TGFBR1: variants seen among roughly 807,000 people sequenced by gnomAD.
TGFBR1 encodes TGF-beta receptor type-1.
Under a neutral mutation model 55.1 loss-of-function variants are expected in TGFBR1, and 20 were observed. That is an observed-to-expected ratio of 0.36 (90% CI 0.26 to 0.53). The LOEUF (loss-of-function observed/expected upper bound fraction) is 0.53. Ranked by LOEUF, TGFBR1 falls within the 20% of genes least tolerant of loss-of-function variation. The pLI is 0.91. For missense variants in TGFBR1, 385 were observed against 617.6 expected, an observed-to-expected ratio of 0.62 and a Z score of 3.99; for synonymous variants, 220 against 214.8, an observed-to-expected ratio of 1.02 and a Z score of -0.21.
intron 6 of TGFBR1, among the ~76,000 whole-genome samples, chr9:99,145,499 G>A (rs753655553): frequency 4.6e-5 from 7 of 152,186 alleles, no homozygotes; most frequent in Non-Finnish European, 7.3e-5. Context: ...TCTATTAGGT[G>A]CAAGCTGCTT....
chr9:99,114,212 C>G (rs1826664392), intron 1 of TGFBR1, among the ~76,000 whole-genome samples: 1 of 152,078 alleles, frequency 6.6e-6, no homozygotes, highest in South Asian at 2.1e-4. Flanking sequence ...AAGACCAAAT[C>G]TACTGACCAC....
rs121918713 is a variant in TGFBR1 at position 99,132,686 on chromosome 9, G to T, written c.521G>T (p.Gly174Val). The T allele has an allele frequency of 1.9e-6, 3 of 1,614,096 alleles. No homozygotes were observed. In the Admixed American group the frequency reaches 5.0e-5, roughly 27 times the overall value. ...TTAGATCGCCCTTTTATTTCAGAGGGTACTACGTTGAAAGACTTAATTTAT... is the reference window on the plus strand; with the variant it reads ...TTAGATCGCCCTTTTATTTCAGAGGTTACTACGTTGAAAGACTTAATTTAT... ...PSLDRPFISEGTTLKDLIYDM... is the reference protein window; with the variant it reads ...PSLDRPFISEVTTLKDLIYDM... The change falls in exon 3 of 9, where the codon GGT becomes GTT. Residue 174 changes from glycine (G) to valine (V), a missense_variant. Gly to Val is a moderately radical substitution (Grantham distance 109). This residue lies in a region of TGFBR1 where 146 missense variants were observed against 167.7 expected (regional missense o/e 0.87). Coordinates refer to ENST00000374994, the MANE Select transcript of TGFBR1 (RefSeq NM_004612.4).
intron 3 of TGFBR1, among the ~76,000 whole-genome samples, chr9:99,134,802 T>TTTTATATATATATATATATATATATA (rs1554700023): frequency 2.4e-5 from 1 of 41,384 alleles, no homozygotes; most frequent in Non-Finnish European, 4.2e-5. Flanking sequence ...TCTGTTTCCA[T>TTTTATATATATATATATATATATATA]TATATATATA....
chr9:99,128,177 G>T (rs1448746230), intron 1 of TGFBR1, among the ~76,000 whole-genome samples: 2 of 152,182 alleles, frequency 1.3e-5, no homozygotes, highest in Non-Finnish European at 2.9e-5. Context: ...CTAGTATTTT[G>T]CTGCCAGTCA....
intron 3 of TGFBR1, among the ~76,000 whole-genome samples, chr9:99,136,054 C>T (rs542674298): frequency 6.6e-6 from 1 of 152,120 alleles, no homozygotes; most frequent in Admixed American, 6.5e-5. Flanking sequence ...CAGGTTTCAC[C>T]ATGTTGGCCA....
intron 1 of TGFBR1, among the ~76,000 whole-genome samples, chr9:99,110,342 T>C (rs1293508753): frequency 6.6e-6 from 1 of 152,204 alleles, no homozygotes; most frequent in Admixed American, 6.5e-5. Flanking sequence ...CGTTTAATTC[T>C]CTCTTCTCTC....
intron 4 of TGFBR1, among the ~76,000 whole-genome samples, chr9:99,141,634 T>TA (rs1827618732): frequency 6.6e-6 from 1 of 152,252 alleles, no homozygotes. Flanking sequence ...AGAATGACTC[T>TA]AAGCGTCCAT....
chr9:99,126,511 G>A (rs1166066487), intron 1 of TGFBR1, among the ~76,000 whole-genome samples: 1 of 152,172 alleles, frequency 6.6e-6, no homozygotes, highest in African/African-American at 2.4e-5. Flanking sequence ...TGGGTTGAAT[G>A]ACTAATCATG....
chr9:99,120,410 G>T (rs1205092916), intron 1 of TGFBR1, among the ~76,000 whole-genome samples: 1 of 152,084 alleles, frequency 6.6e-6, no homozygotes, highest in Non-Finnish European at 1.5e-5. Context: ...TCAGGGCCTG[G>T]GGTAAGGCAA....
At chr9:99,128,113 G>A (rs1035932355) in intron 1 of TGFBR1, 1 of 423,794 alleles carries the variant, frequency 2.4e-6, no homozygotes, top group African/African-American at 2.0e-5. Flanking sequence ...TCCCTAAAGA[G>A]GTCACTCCTG....
intron 8 of TGFBR1, among the ~76,000 whole-genome samples, chr9:99,148,331 G>T (rs334358): frequency 0.17 from 26,069 of 152,142 alleles, 2,372 homozygotes; most frequent in Non-Finnish European, 0.2. Context: ...TATCTGAGCT[G>T]CTCAACTTCA....
At chr9:99,118,173 GT>G (rs1826802671) in intron 1 of TGFBR1, among the ~76,000 whole-genome samples, 1 of 152,082 alleles carries the variant, frequency 6.6e-6, no homozygotes. Flanking sequence ...GGTATAGTGA[GT>G]AACCTTATAT....
chr9:99,148,079 A>AAC (rs1376426553), intron 8 of TGFBR1, among the ~76,000 whole-genome samples: 19 of 152,326 alleles, frequency 1.2e-4, no homozygotes, highest in African/African-American at 4.6e-4. Context: ...GGCAACCCAG[A>AAC]ACACTAGACA....
chr9:99,145,436 C>T (rs532209988), intron 6 of TGFBR1, among the ~76,000 whole-genome samples: 1 of 152,226 alleles, frequency 6.6e-6, no homozygotes, highest in East Asian at 1.9e-4. Flanking sequence ...GAACTGGGAC[C>T]GTTGAGGCAC....
rs201706420 is a variant in TGFBR1, at chr9:99,152,704, T to G, written c.*3399T>G. 4.4e-6 allele frequency: 1 copy of G among 226,424 alleles called. No individual in the cohort carries two copies. The highest frequency in any genetic ancestry group is 2.2e-5 in the African/African-American group (1 of 44,952). The allele number at this position is 226,424 out of a possible 1,614,324, so 14.0% of individuals were successfully genotyped here. ...CAACTGTTTCTTGACCATGGCAGTG[T>G]TCTGGCTCCAAATGGTAGTGATTCC... On this transcript the variant is annotated 3_prime_UTR_variant, in exon 9 of 9. Coordinates refer to ENST00000374994, the MANE Select transcript of TGFBR1 (RefSeq NM_004612.4).
chr9:99,134,799 CCATTATATATA>C (rs1827368449), intron 3 of TGFBR1, among the ~76,000 whole-genome samples: 9 of 69,768 alleles, frequency 1.3e-4, no homozygotes, highest in African/African-American at 4.9e-4. Flanking sequence ...AATTCTGTTT[CCATTATATATA>C]TATATATATA....
At position 99,151,289 on chromosome 9, in the gene TGFBR1, AAATG is replaced by A. The variant is rs1420600795; in HGVS notation, c.*1990_*1993del. 1.3e-5 allele frequency: 3 copies of A among 231,986 alleles called. No homozygotes were observed. The East Asian group carries it at 1.8e-4, about 14-fold the overall frequency. The allele number at this position is 231,986 out of a possible 1,614,324, so 14.4% of individuals were successfully genotyped here. ...GTAGTTACCATAATTTCATTGAAGC[AAATG>A]AATGAGTTTGAGAGGTTTGTTTTTA... On this transcript the variant is annotated 3_prime_UTR_variant, in exon 9 of 9. Transcript: ENST00000374994.
At position 99,144,754 on chromosome 9, in the gene TGFBR1, A is replaced by G. The variant is rs1406671022; in HGVS notation, c.996A>G (p.Arg332=). The G allele has an allele frequency of 6.2e-7, 1 of 1,613,836 alleles. No individual in the cohort carries two copies. The highest frequency in any genetic ancestry group is 1.7e-5 in the Admixed American group (1 of 59,998). Residue 332 remains arginine (R), a synonymous_variant, in exon 6 of 9, where the codon AGA becomes AGG. Transcript: ENST00000374994. ...TAGGAAAGCCAGCCATTGCTCATAG[A>G]GATTTGAAATCAAAGAATATCTTGG... ...GTQGKPAIAH[R]DLKSKNILVK...
rs202020004 is a variant in TGFBR1 at position 99,153,750 on chromosome 9, C to G, written c.*4445C>G. On this transcript the variant is annotated 3_prime_UTR_variant, in exon 9 of 9. Coordinates refer to ENST00000374994, the MANE Select transcript of TGFBR1 (RefSeq NM_004612.4). ...ACTAGAACCTTTGAGTTACAAGAGT[C>G]TTTAGAAGTTTTCTAACCCTGCCTA... The G allele has an allele frequency of 3.0e-5, 6 of 202,806 alleles. No homozygotes were observed. The highest frequency in any genetic ancestry group is 6.1e-5 in the Non-Finnish European group (6 of 98,480). The allele number at this position is 202,806 out of a possible 1,614,324, so 12.6% of individuals were successfully genotyped here.
Sources: gnomAD v4.1 joint callset for allele counts (sites outside exome capture counted in the v4.1 genomes callset) on GRCh38, gnomAD v4.1.1 for gene constraint, gnomAD v4.1.1 regional missense constraint, MANE v1.5 for transcripts, NCBI Gene and HGNC (gene_info 2026-07-23, HGNC 2026-07-21) for gene names.